Variants in AGMO observed in about 807,000 individuals in gnomAD.
AGMO encodes the protein glyceryl-ether monooxygenase.
Under a neutral mutation model 60.2 loss-of-function variants are expected in AGMO, and 75 were observed. The observed-to-expected ratio is 1.25, with a 90% CI of 1.03 to 1.51. The LOEUF is 1.51. AGMO is among the 40% of genes most tolerant of loss of function. AGMO has a pLI of 0.00. For missense variants in AGMO, 763 were observed against 525.5 expected (o/e 1.45, Z -4.42); for synonymous variants, 261 against 177.1 (o/e 1.47, Z -3.76).
At chr7:15,239,827 T>A (rs913824318) in intron 12 of AGMO, among the ~76,000 whole-genome samples, 1 of 152,116 alleles carries the variant, frequency 6.6e-6, no homozygotes, top group Admixed American at 6.5e-5. Flanking sequence ...TTGAACTGAA[T>A]AACACTGTTT....
chr7:15,171,697 T>A, the AGMO span, among the ~76,000 whole-genome samples: 4 of 152,236 alleles, frequency 2.6e-5, no homozygotes, highest in Non-Finnish European at 5.9e-5. Context: ...CTGTCTAGTA[T>A]TATACCATGT....
At chr7:15,344,492 G>C (rs755473156) in intron 12 of AGMO, among the ~76,000 whole-genome samples, 8 of 152,108 alleles carry the variant, frequency 5.3e-5, no homozygotes, top group Non-Finnish European at 8.8e-5. Flanking sequence ...TTGAGATCAG[G>C]AGTTCAAGAT....
chr7:15,168,324 T>C, the AGMO span, among the ~76,000 whole-genome samples: 1 of 151,968 alleles, frequency 6.6e-6, no homozygotes, highest in Admixed American at 6.6e-5. Flanking sequence ...GAAAAAGCAA[T>C]GAAAAAATAA....
chr7:15,397,880 A>G (rs13241910), intron 5 of AGMO, among the ~76,000 whole-genome samples: 72,344 of 152,082 alleles, frequency 0.48, 17,317 homozygotes, highest in Middle Eastern at 0.59. Context: ...TTGGGAAGAA[A>G]GTACAGATAA....
chr7:15,215,330 T>C (rs1456463434), intron 12 of AGMO, among the ~76,000 whole-genome samples: 1 of 152,076 alleles, frequency 6.6e-6, no homozygotes, highest in Non-Finnish European at 1.5e-5. Flanking sequence ...AGAAAGCACA[T>C]GTATGTGGAA....
chr7:15,190,940 T>A, the AGMO span, among the ~76,000 whole-genome samples: 1 of 152,030 alleles, frequency 6.6e-6, no homozygotes, highest in Non-Finnish European at 1.5e-5. Context: ...CTGTTCAGGG[T>A]CACACATCTA....
At chr7:15,360,614 T>C (rs1464864886) in intron 12 of AGMO, among the ~76,000 whole-genome samples, 2 of 152,104 alleles carry the variant, frequency 1.3e-5, no homozygotes, top group Non-Finnish European at 2.9e-5. Context: ...TTGGCCTTGC[T>C]ATCTCAGGAG....
At chr7:15,504,292 A>G (rs887244621) in intron 3 of AGMO, among the ~76,000 whole-genome samples, 5 of 151,984 alleles carry the variant, frequency 3.3e-5, no homozygotes, top group Admixed American at 3.3e-4. Context: ...GAAACTTTAT[A>G]AAGATAAATG....
intron 12 of AGMO, among the ~76,000 whole-genome samples, chr7:15,317,535 T>C (rs948759633): frequency 1.3e-5 from 2 of 152,112 alleles, no homozygotes; most frequent in Non-Finnish European, 2.9e-5. Context: ...AAGAGAAGTG[T>C]CCTAACCTAT....
intron 10 of AGMO, among the ~76,000 whole-genome samples, chr7:15,372,777 A>G (rs1783271023): frequency 6.6e-6 from 1 of 152,288 alleles, no homozygotes; most frequent in Admixed American, 6.5e-5. Context: ...CTCCCATTTC[A>G]AATTATATAC....
chr7:15,365,962 G>A (rs1782960296), intron 11 of AGMO, among the ~76,000 whole-genome samples, 178 bp downstream of exon 11: 1 of 152,034 alleles, frequency 6.6e-6, no homozygotes. Context: ...TTTAAAAAAT[G>A]AGTAGTTAGG....
At chr7:15,503,760 T>C (rs1783444830) in intron 3 of AGMO, among the ~76,000 whole-genome samples, 1 of 152,084 alleles carries the variant, frequency 6.6e-6, no homozygotes, top group Non-Finnish European at 1.5e-5. Context: ...GCACTTTTTA[T>C]TTGTACAACA....
intron 12 of AGMO, among the ~76,000 whole-genome samples, chr7:15,349,255 A>T (rs1485396136): frequency 6.6e-6 from 1 of 152,136 alleles, no homozygotes; most frequent in African/African-American, 2.4e-5. Context: ...TCAATATCCA[A>T]CATTCTCCCA....
chr7:15,421,112 G>T (rs1780909723), intron 4 of AGMO, among the ~76,000 whole-genome samples: 1 of 152,140 alleles, frequency 6.6e-6, no homozygotes, highest in African/African-American at 2.4e-5. Context: ...TTTAGGGGAA[G>T]CTAAACATAT....
intron 5 of AGMO, among the ~76,000 whole-genome samples, chr7:15,407,491 TAGA>T (rs1425362917): frequency 6.6e-6 from 1 of 151,454 alleles, no homozygotes; most frequent in Admixed American, 6.6e-5. Flanking sequence ...GGAAGCAAAG[TAGA>T]AGAGTAGATG....
intron 12 of AGMO, among the ~76,000 whole-genome samples, chr7:15,313,671 AG>A (rs34542224): frequency 6.6e-6 from 1 of 152,176 alleles, no homozygotes. Flanking sequence ...CCTTATCTAC[AG>A]GAAGTTTCAT....
chr7:15,487,255 G>C (rs1238399147), intron 3 of AGMO, among the ~76,000 whole-genome samples: 2 of 151,972 alleles, frequency 1.3e-5, no homozygotes, highest in African/African-American at 4.8e-5. Context: ...AAACAAAATA[G>C]AATCACTTAA....
intron 12 of AGMO, among the ~76,000 whole-genome samples, chr7:15,324,680 T>C (rs1303301027): frequency 6.6e-6 from 1 of 151,994 alleles, no homozygotes; most frequent in Non-Finnish European, 1.5e-5. Context: ...GGGGGCGGTG[T>C]CGGGGAGAAG....
intron 12 of AGMO, among the ~76,000 whole-genome samples, chr7:15,258,112 G>C (rs959592320): frequency 4.6e-5 from 7 of 152,100 alleles, no homozygotes; most frequent in Non-Finnish European, 2.9e-5. Flanking sequence ...TAAATTCCTA[G>C]TATTAATGTA....
Sources: gnomAD v4.1 joint callset for allele counts (sites outside exome capture counted in the v4.1 genomes callset) on GRCh38, gnomAD v4.1.1 for gene constraint, MANE v1.5 for transcripts, NCBI Gene and HGNC (gene_info 2026-07-23, HGNC 2026-07-21) for gene names.